MYCT1: variants seen among roughly 807,000 people sequenced by gnomAD.
MYCT1 encodes the protein myc target protein 1.
MYCT1 carries 12 observed loss-of-function variants against 15.0 expected under a neutral mutation model. The observed-to-expected ratio is 0.80, with a 90% confidence interval of 0.51 to 1.29. The LOEUF (loss-of-function observed/expected upper bound fraction) is 1.29. Ranked by LOEUF, MYCT1 falls within the 50% of genes most tolerant of loss-of-function variation. The pLI is 0.00. For missense variants in MYCT1, 287 were observed against 279.1 expected, an observed-to-expected ratio of 1.03 and a Z score of -0.20; for synonymous variants, 104 against 102.7, an observed-to-expected ratio of 1.01 and a Z score of -0.07.
At chr6:152,743,443 C>T in the MYCT1 span, among the ~76,000 whole-genome samples, 27 of 152,172 alleles carry the variant, frequency 1.8e-4, no homozygotes, top group East Asian at 1.9e-4. Flanking sequence ...AGCGACTCCC[C>T]GTTAGGATGC....
intron 1 of MYCT1, among the ~76,000 whole-genome samples, chr6:152,719,290 A>G (rs1275398665): frequency 6.6e-6 from 1 of 152,216 alleles, no homozygotes; most frequent in African/African-American, 2.4e-5. Flanking sequence ...ATACTCTGGT[A>G]TTGAATCGAC....
chr6:152,716,515 C>A (rs1347131392), intron 1 of MYCT1, among the ~76,000 whole-genome samples: 1 of 152,088 alleles, frequency 6.6e-6, no homozygotes, highest in African/African-American at 2.4e-5. Context: ...TAGATGGTGA[C>A]CTCTACTAAA....
chr6:152,717,862 T>A (rs528566184), intron 1 of MYCT1, among the ~76,000 whole-genome samples: 1 of 152,160 alleles, frequency 6.6e-6, no homozygotes, highest in African/African-American at 2.4e-5. Context: ...CAAAAGCAAT[T>A]TTTTTGTAAT....
chr6:152,743,612 C>T, the MYCT1 span, among the ~76,000 whole-genome samples: 3 of 152,198 alleles, frequency 2.0e-5, no homozygotes, highest in East Asian at 5.8e-4. Flanking sequence ...CCATGCCCCA[C>T]TCCCCACTCT....
At chr6:152,718,904 T>C (rs2099724212) in intron 1 of MYCT1, among the ~76,000 whole-genome samples, 1 of 152,138 alleles carries the variant, frequency 6.6e-6, no homozygotes, top group Non-Finnish European at 1.5e-5. Context: ...AGTGGTTAGG[T>C]ACATTTACAC....
downstream of MYCT1, among the ~76,000 whole-genome samples, chr6:152,725,037 A>T (rs1469399881): frequency 6.6e-6 from 1 of 152,046 alleles, no homozygotes; most frequent in Non-Finnish European, 1.5e-5. Flanking sequence ...TGTTTAGCAA[A>T]TCTATGAAAT....
At chr6:152,744,707 C>T in the MYCT1 span, among the ~76,000 whole-genome samples, 1 of 152,176 alleles carries the variant, frequency 6.6e-6, no homozygotes, top group Non-Finnish European at 1.5e-5. Flanking sequence ...CATTTCCAAC[C>T]AGCACGTCTC....
downstream of MYCT1, among the ~76,000 whole-genome samples, chr6:152,728,164 G>GAA (rs5881002): frequency 1.4e-5 from 2 of 143,476 alleles, no homozygotes; most frequent in East Asian, 2.0e-4. Flanking sequence ...CCTCTGTCTG[G>GAA]AAAAAAAAAA....
intron 1 of MYCT1, among the ~76,000 whole-genome samples, chr6:152,701,123 C>G (rs1583962089): frequency 6.6e-6 from 1 of 152,066 alleles, no homozygotes; most frequent in African/African-American, 2.4e-5. Flanking sequence ...GCTATCTGTT[C>G]CTAGAAAGAT....
chr6:152,726,399 A>C (rs2099725663), downstream of MYCT1, among the ~76,000 whole-genome samples: 1 of 151,260 alleles, frequency 6.6e-6, no homozygotes, highest in Non-Finnish European at 1.5e-5. Context: ...CTCTGTCTAA[A>C]AAAAAAAAAA....
chr6:152,699,245 T>C (rs1227199241), intron 1 of MYCT1, among the ~76,000 whole-genome samples: 1 of 152,154 alleles, frequency 6.6e-6, no homozygotes, highest in Non-Finnish European at 1.5e-5. Flanking sequence ...ACCTATGTAC[T>C]TTCTTAGATG....
chr6:152,739,256 GT>G, the MYCT1 span, among the ~76,000 whole-genome samples: 4 of 150,992 alleles, frequency 2.6e-5, no homozygotes, highest in African/African-American at 9.7e-5. Context: ...TCTACAAGTA[GT>G]TTTTAGAATA....
chr6:152,718,531 C>T (rs2099724145), intron 1 of MYCT1, among the ~76,000 whole-genome samples: 1 of 152,118 alleles, frequency 6.6e-6, no homozygotes, highest in African/African-American at 2.4e-5. Flanking sequence ...TAGGCATGAG[C>T]CACTGCACCT....
downstream of MYCT1, among the ~76,000 whole-genome samples, chr6:152,725,287 G>C (rs1396485574): frequency 6.6e-6 from 1 of 152,132 alleles, no homozygotes; most frequent in Non-Finnish European, 1.5e-5. Flanking sequence ...AAAATACTCA[G>C]TTGTAAATAG....
intron 1 of MYCT1, among the ~76,000 whole-genome samples, chr6:152,703,938 G>GT (rs1247026001): frequency 1.9e-4 from 27 of 142,056 alleles, no homozygotes; most frequent in Admixed American, 3.5e-4. Flanking sequence ...TATTTTCCCT[G>GT]TTTTTTATTT....
chr6:152,728,324 G>A (rs1215225346), downstream of MYCT1, among the ~76,000 whole-genome samples: 1 of 152,130 alleles, frequency 6.6e-6, no homozygotes, highest in Non-Finnish European at 1.5e-5. Flanking sequence ...ACAGCCAAAT[G>A]GTCAATGAGA....
chr6:152,706,069 G>T (rs2099722208), intron 1 of MYCT1: 1 of 1,491,820 alleles, frequency 6.7e-7, no homozygotes, highest in South Asian at 1.1e-5. Context: ...AAAAGAGAAG[G>T]ACCCTGGAAT....
At chr6:152,706,869 G>GTGTGTGTA (rs1288145912) in intron 1 of MYCT1, among the ~76,000 whole-genome samples, 5 of 151,840 alleles carry the variant, frequency 3.3e-5, no homozygotes, top group African/African-American at 1.2e-4. Context: ...GTGTGTGTGT[G>GTGTGTGTA]TGTGTATGCA....
At chr6:152,742,547 T>G in the MYCT1 span, among the ~76,000 whole-genome samples, 3 of 152,104 alleles carry the variant, frequency 2.0e-5, no homozygotes, top group Non-Finnish European at 4.4e-5. Context: ...GGGAATGATA[T>G]GATCAAAGAC....
Sources: allele counts gnomAD v4.1 joint callset (sites outside exome capture counted in the v4.1 genomes callset), GRCh38; gene constraint gnomAD v4.1.1; transcripts MANE v1.5; gene names NCBI Gene and HGNC (gene_info 2026-07-23, HGNC 2026-07-21).